The following PEX5L variants were observed in gnomAD, a reference collection of about 807,000 sequenced individuals.
PEX5L encodes the protein PEX5-related protein.
PEX5L carries 30 observed loss-of-function variants against 84.0 expected under a neutral mutation model. The observed-to-expected ratio is 0.36, with a 90% CI of 0.27 to 0.48. The LOEUF is 0.48. PEX5L is among the 20% of genes least tolerant of loss of function. The pLI is 0.99. For synonymous variants in PEX5L, 270 were observed against 283.1 expected, an observed-to-expected ratio of 0.95 and a Z score of 0.46; for missense variants, 533 against 754.6, an observed-to-expected ratio of 0.71 and a Z score of 3.44.
intron 8 of PEX5L, among the ~76,000 whole-genome samples, chr3:179,837,684 C>T (rs1201178810): frequency 4.6e-5 from 7 of 152,218 alleles, no homozygotes; most frequent in African/African-American, 1.7e-4. Context: ...TCTGATTTAA[C>T]CCAGTCATGG....
At chr3:180,026,258 A>G (rs182870464) in intron 1 of PEX5L, among the ~76,000 whole-genome samples, 44 of 151,684 alleles carry the variant, frequency 2.9e-4, no homozygotes, top group Admixed American at 2.7e-3. Flanking sequence ...GTGAACTCTA[A>G]AGACCTTTAT....
chr3:179,896,077 T>C (rs1759171670), intron 3 of PEX5L: 1 of 152,132 alleles, frequency 6.6e-6, no homozygotes, highest in Non-Finnish European at 1.5e-5. Context: ...GATGCTATGG[T>C]TGTCATGGGA....
chr3:180,028,127 C>A (rs964458912), intron 1 of PEX5L, among the ~76,000 whole-genome samples: 1 of 152,082 alleles, frequency 6.6e-6, no homozygotes, highest in Non-Finnish European at 1.5e-5. Context: ...TATGTAAATA[C>A]CTTATTCCCA....
intron 2 of PEX5L, among the ~76,000 whole-genome samples, chr3:179,899,262 T>A (rs965623506): frequency 2.0e-5 from 3 of 152,262 alleles, no homozygotes; most frequent in African/African-American, 7.2e-5. Flanking sequence ...TAAATAATCC[T>A]TAAATACTTT....
intron 1 of PEX5L, among the ~76,000 whole-genome samples, chr3:179,981,875 A>G (rs1786365225): frequency 6.6e-6 from 1 of 152,228 alleles, no homozygotes; most frequent in Non-Finnish European, 1.5e-5. Context: ...AGAGCATCTA[A>G]CAGGATTTAT....
At chr3:179,921,949 G>C (rs980249082) in intron 2 of PEX5L, 1 of 152,088 alleles carries the variant, frequency 6.6e-6, no homozygotes. Flanking sequence ...CAGGAAGAAG[G>C]CATCTCAGAG....
chr3:179,832,403 T>C (rs899787403), intron 8 of PEX5L, among the ~76,000 whole-genome samples: 2 of 126,086 alleles, frequency 1.6e-5, no homozygotes, highest in African/African-American at 3.1e-5. Flanking sequence ...AACCTTTGTA[T>C]TTACTTACCC....
At position 179,798,518 on chromosome 3, in the gene PEX5L, A is replaced by G. The variant is rs943090320; in HGVS notation, c.*3310T>C. On this transcript the variant is annotated 3_prime_UTR_variant, in exon 15 of 15. Coordinates refer to ENST00000467460, the MANE Select transcript of PEX5L (RefSeq NM_016559.3). ...TGGTTATATTTTGAAACTCAGCAAT[A>G]ATCACTGGCTTTCTCTTTATTTTCA... 9 of 152,204 alleles carry G rather than the reference A, an allele frequency of 5.9e-5. No homozygotes were observed. The highest frequency in any genetic ancestry group is 1.7e-4 in the African/African-American group (7 of 41,458). 9.4% of individuals were successfully genotyped at this position (152,204 alleles called of 1,614,324 possible). A position where few individuals can be genotyped will look rare whatever the true frequency, so the allele number is the denominator to read the frequency against.
intron 14 of PEX5L, among the ~76,000 whole-genome samples, chr3:179,802,803 T>G (rs1243309675): frequency 6.6e-6 from 1 of 151,864 alleles, no homozygotes; most frequent in Non-Finnish European, 1.5e-5. Context: ...TAGAGTAGAT[T>G]GAGTTTATTA....
intron 1 of PEX5L, among the ~76,000 whole-genome samples, chr3:179,996,762 T>C (rs563379623): frequency 1.3e-5 from 2 of 152,256 alleles, no homozygotes; most frequent in South Asian, 4.1e-4. Context: ...GATTGCAAGG[T>C]GGCAGGAGCC....
chr3:179,978,180 A>T (rs1317148077), intron 1 of PEX5L, among the ~76,000 whole-genome samples: 1 of 152,220 alleles, frequency 6.6e-6, no homozygotes, highest in Non-Finnish European at 1.5e-5. Context: ...ACAATACTAC[A>T]GCCTGGCAGT....
intron 4 of PEX5L, among the ~76,000 whole-genome samples, chr3:179,883,395 G>A (rs868199139): frequency 3.9e-5 from 6 of 152,180 alleles, no homozygotes; most frequent in South Asian, 2.1e-4. Context: ...ACTTTGTCCT[G>A]TCTTCTTCAC....
At chr3:179,806,105 G>T (rs868809938) in intron 14 of PEX5L, among the ~76,000 whole-genome samples, 14 of 150,568 alleles carry the variant, frequency 9.3e-5, no homozygotes, top group Middle Eastern at 3.5e-3. Context: ...TATGTATTTT[G>T]TTTTACATCT....
intron 1 of PEX5L, among the ~76,000 whole-genome samples, chr3:180,022,739 C>T (rs1790529558): frequency 6.6e-6 from 1 of 152,154 alleles, no homozygotes; most frequent in African/African-American, 2.4e-5. Flanking sequence ...CCCATAGCCT[C>T]AATATTATTC....
At chr3:179,915,530 T>A (rs150767432) in intron 2 of PEX5L, among the ~76,000 whole-genome samples, 106 of 152,336 alleles carry the variant, frequency 7.0e-4, no homozygotes, top group Middle Eastern at 3.4e-3. Context: ...ATTTTGAAGA[T>A]TACTGGAAAA....
chr3:179,996,999 T>C (rs1561039438), intron 1 of PEX5L, among the ~76,000 whole-genome samples: 1 of 152,176 alleles, frequency 6.6e-6, no homozygotes, highest in Admixed American at 6.5e-5. Context: ...ATTTGAATTA[T>C]AAAAACAGAG....
chr3:179,871,216 C>T (rs1750262077), intron 7 of PEX5L, among the ~76,000 whole-genome samples: 1 of 150,974 alleles, frequency 6.6e-6, no homozygotes, highest in Admixed American at 6.6e-5. Context: ...AATTTTCATG[C>T]CTCAGCCTCC....
chr3:180,033,947 C>A (rs1010616953), intron 1 of PEX5L, among the ~76,000 whole-genome samples: 1 of 152,186 alleles, frequency 6.6e-6, no homozygotes, highest in African/African-American at 2.4e-5. Flanking sequence ...ACTAGCAGAG[C>A]AAACCAAATG....
chr3:179,980,326 A>C (rs751795477), intron 1 of PEX5L, among the ~76,000 whole-genome samples: 12 of 133,276 alleles, frequency 9.0e-5, no homozygotes, highest in Admixed American at 2.2e-4. Context: ...ATTATTATTT[A>C]GATTTTATAT....
Sources: gnomAD v4.1 joint callset for allele counts (sites outside exome capture counted in the v4.1 genomes callset) on GRCh38, gnomAD v4.1.1 for gene constraint, MANE v1.5 for transcripts, NCBI Gene and HGNC (gene_info 2026-07-23, HGNC 2026-07-21) for gene names.